Variants in GALNTL6 observed in about 807,000 individuals in gnomAD.
GALNTL6 encodes polypeptide N-acetylgalactosaminyltransferase-like 6.
Under a neutral mutation model 73.7 loss-of-function variants are expected in GALNTL6, and 46 were observed. The observed-to-expected ratio is 0.62, with a 90% confidence interval of 0.49 to 0.80. The LOEUF is 0.80. Among genes scored for constraint, GALNTL6 ranks in the 30% least tolerant of loss-of-function variants. The probability of loss-of-function intolerance (pLI) is 0.00; values close to 1 mark genes in which losing one functional copy is unlikely to be tolerated. For synonymous variants in GALNTL6, 259 were observed against 263.7 expected (o/e 0.98, Z 0.17); for missense variants, 604 against 755.0 (o/e 0.80, Z 2.34).
intron 5 of GALNTL6, among the ~76,000 whole-genome samples, chr4:172,804,728 T>C (rs1740852630): frequency 6.6e-6 from 1 of 152,208 alleles, no homozygotes; most frequent in African/African-American, 2.4e-5. Flanking sequence ...TTTTCTGACA[T>C]AATAAGCATA....
At chr4:172,740,640 G>A (rs1736743861) in intron 5 of GALNTL6, among the ~76,000 whole-genome samples, 1 of 152,076 alleles carries the variant, frequency 6.6e-6, no homozygotes, top group South Asian at 2.1e-4. Flanking sequence ...CTCTCATATT[G>A]TAAACAAGAG....
chr4:172,064,651 GC>G (rs1299372275), intron 2 of GALNTL6, among the ~76,000 whole-genome samples: 2 of 152,128 alleles, frequency 1.3e-5, no homozygotes, highest in South Asian at 4.1e-4. Context: ...ATATGGGATT[GC>G]CCCCTCCTTG....
chr4:172,901,441 A>G (rs1314846357), intron 8 of GALNTL6, among the ~76,000 whole-genome samples: 1 of 152,164 alleles, frequency 6.6e-6, no homozygotes, highest in African/African-American at 2.4e-5. Context: ...TTTACAGTGG[A>G]AAGCACTGTA....
At chr4:172,283,997 C>CT (rs2111085185) in intron 3 of GALNTL6, among the ~76,000 whole-genome samples, 1 of 152,152 alleles carries the variant, frequency 6.6e-6, no homozygotes, top group South Asian at 2.1e-4. Flanking sequence ...TTACCAGCCC[C>CT]TTTTTCTTGA....
At chr4:172,344,945 T>C (rs1232132964) in intron 4 of GALNTL6, among the ~76,000 whole-genome samples, 1 of 152,164 alleles carries the variant, frequency 6.6e-6, no homozygotes, top group East Asian at 1.9e-4. Flanking sequence ...CACAGAGGAT[T>C]TGACAATGAA....
At chr4:172,378,305 T>A (rs915725768) in intron 5 of GALNTL6, among the ~76,000 whole-genome samples, 2 of 152,160 alleles carry the variant, frequency 1.3e-5, no homozygotes, top group Non-Finnish European at 2.9e-5. Context: ...GGAAGCCGAT[T>A]CAAGGAAAAA....
intron 2 of GALNTL6, among the ~76,000 whole-genome samples, chr4:172,093,510 C>T (rs1445111180): frequency 6.6e-6 from 1 of 152,064 alleles, no homozygotes; most frequent in Non-Finnish European, 1.5e-5. Flanking sequence ...GGTCTTCAAA[C>T]CCTGGGCCAC....
At chr4:171,822,294 G>T (rs1383120777) in intron 2 of GALNTL6, among the ~76,000 whole-genome samples, 1 of 152,152 alleles carries the variant, frequency 6.6e-6, no homozygotes, top group East Asian at 1.9e-4. Context: ...ATTGCATTGT[G>T]CCTGTTCTTC....
At chr4:172,245,305 C>T (rs1737621160) in intron 3 of GALNTL6, among the ~76,000 whole-genome samples, 1 of 152,126 alleles carries the variant, frequency 6.6e-6, no homozygotes, top group Admixed American at 6.6e-5. Context: ...AGCTCAAATG[C>T]TAATCTTTCT....
intron 4 of GALNTL6, among the ~76,000 whole-genome samples, chr4:172,316,872 T>C (rs1740577269): frequency 6.6e-6 from 1 of 152,148 alleles, no homozygotes; most frequent in Non-Finnish European, 1.5e-5. Flanking sequence ...ACTTAAGTCA[T>C]GGATGGCAGA....
Position 172,504,216 on chromosome 4 carries a change from T to C in GALNTL6, c.553+155527T>C, listed in dbSNP as rs1219102248. ...TTGATATTGGTCCTATTCCAGGAGA[T>C]AGGTAAAATGTACATTAATTTTCAG... On this transcript the variant is annotated intron_variant, in intron 5 of 12. Transcript: ENST00000506823. Among the ~76,000 whole-genome samples the C allele has an allele frequency of 1.3e-4, 5 of 39,334 alleles. 2 individuals carry two copies. The highest frequency in any genetic ancestry group is 2.9e-4 in the Non-Finnish European group (5 of 17,398). 25.8% of individuals were successfully genotyped at this position (39,334 alleles called of 152,430 possible).
Position 172,919,396 on chromosome 4 carries a change from C to T in GALNTL6, c.1042-11765C>T, listed in dbSNP as rs9994068. Among the ~76,000 whole-genome samples, 1,203 of 152,194 alleles carry T rather than the reference C, an allele frequency of 7.9e-3. 13 individuals carry two copies. Among genetic ancestry groups the T allele is most frequent in the African/African-American group, 0.027 (1,138 of 41,524 alleles). ...CTCAGGCATGGCCGCTGAAAGCTCTCGGGCTTTCATTTTCCGCTTCACCAC... is the reference window on the plus strand; with the variant it reads ...CTCAGGCATGGCCGCTGAAAGCTCTTGGGCTTTCATTTTCCGCTTCACCAC... On this transcript the variant is annotated intron_variant, in intron 8 of 12. Transcript: ENST00000506823.
intron 2 of GALNTL6, among the ~76,000 whole-genome samples, chr4:172,194,388 C>G (rs551357655): frequency 1.2e-4 from 18 of 152,246 alleles, no homozygotes; most frequent in African/African-American, 3.6e-4. Flanking sequence ...CTTCACGATA[C>G]CATCCAGGCG....
intron 2 of GALNTL6, among the ~76,000 whole-genome samples, chr4:171,841,831 A>T (rs934307068): frequency 6.6e-6 from 1 of 152,108 alleles, no homozygotes; most frequent in Non-Finnish European, 1.5e-5. Flanking sequence ...GAAAAAATAA[A>T]ACTAAGTATA....
At chr4:172,856,476 G>C (rs1391146905) in intron 7 of GALNTL6, among the ~76,000 whole-genome samples, 1 of 152,098 alleles carries the variant, frequency 6.6e-6, no homozygotes. Context: ...TGCTTTAAAA[G>C]GAAGTAAGAA....
intron 5 of GALNTL6, among the ~76,000 whole-genome samples, chr4:172,419,893 C>G (rs910958883): frequency 6.6e-6 from 1 of 152,102 alleles, no homozygotes; most frequent in Non-Finnish European, 1.5e-5. Context: ...CTGTTTGTGT[C>G]AGCACTAACT....
chr4:172,245,298 T>C (rs1055492573), intron 3 of GALNTL6, among the ~76,000 whole-genome samples: 4 of 152,164 alleles, frequency 2.6e-5, no homozygotes, highest in African/African-American at 9.7e-5. Context: ...TTACCTCAGC[T>C]CAAATGCTAA....
At chr4:172,464,781 A>G (rs1033025058) in intron 5 of GALNTL6, among the ~76,000 whole-genome samples, 5 of 152,140 alleles carry the variant, frequency 3.3e-5, no homozygotes, top group African/African-American at 1.2e-4. Context: ...AGCAAATCAA[A>G]GCACAATTCT....
chr4:172,757,410 G>T (rs930030541), intron 5 of GALNTL6, among the ~76,000 whole-genome samples: 2 of 152,098 alleles, frequency 1.3e-5, no homozygotes, highest in East Asian at 3.9e-4. Flanking sequence ...AACCCAACTG[G>T]GTTATAGGAT....
Sources: gnomAD v4.1 joint callset for allele counts (sites outside exome capture counted in the v4.1 genomes callset) on GRCh38, gnomAD v4.1.1 for gene constraint, MANE v1.5 for transcripts, NCBI Gene and HGNC (gene_info 2026-07-23, HGNC 2026-07-21) for gene names.